DNAJC13: variants seen among roughly 807,000 people sequenced by gnomAD.
DNAJC13 encodes the protein dnaJ homolog subfamily C member 13.
DNAJC13 carries 75 observed loss-of-function variants against 290.5 expected under a neutral mutation model. The observed-to-expected ratio is 0.26, with a 90% CI of 0.21 to 0.31. The LOEUF (loss-of-function observed/expected upper bound fraction) is 0.31. Among genes scored for constraint, DNAJC13 ranks in the 10% least tolerant of loss-of-function variants. The probability of loss-of-function intolerance (pLI) is 1.00; values close to 1 mark genes in which losing one functional copy is unlikely to be tolerated. For missense variants in DNAJC13, 2,260 were observed against 2,674.5 expected (o/e 0.85, Z 3.42); for synonymous variants, 862 against 892.0 (o/e 0.97, Z 0.60).
intron 34 of DNAJC13, among the ~76,000 whole-genome samples, chr3:132,494,535 A>G (rs1414929630): frequency 6.6e-6 from 1 of 152,186 alleles, no homozygotes; most frequent in Non-Finnish European, 1.5e-5. Flanking sequence ...GACACATGGT[A>G]GCCATTCACA....
At chr3:132,534,253 G>A (rs931002126) in intron 55 of DNAJC13, among the ~76,000 whole-genome samples, 2 of 152,276 alleles carry the variant, frequency 1.3e-5, no homozygotes, top group South Asian at 2.1e-4. Flanking sequence ...TGTAAGCATT[G>A]TTGACCCCAG....
intron 32 of DNAJC13, 115 bp from the exon 33 acceptor site, chr3:132,492,299 A>T: frequency 8.9e-7 from 1 of 1,120,566 alleles, no homozygotes; most frequent in Non-Finnish European, 1.3e-6. Flanking sequence ...TTTTAGGATA[A>T]TCATTGAGTT....
At chr3:132,486,770 C>T (rs778494333) in intron 29 of DNAJC13, among the ~76,000 whole-genome samples, 5 of 152,114 alleles carry the variant, frequency 3.3e-5, no homozygotes, top group Non-Finnish European at 7.3e-5. Flanking sequence ...ACTTTAAGAG[C>T]AGTCATCATT....
At chr3:132,476,381 T>C (rs1255287487) in intron 22 of DNAJC13, among the ~76,000 whole-genome samples, 5 of 152,216 alleles carry the variant, frequency 3.3e-5, no homozygotes, top group Non-Finnish European at 1.5e-5. Flanking sequence ...TATCAAGTTT[T>C]TTAGCAAATT....
At chr3:132,465,408 A>C (rs1933945989) in intron 17 of DNAJC13, among the ~76,000 whole-genome samples, 1 of 152,166 alleles carries the variant, frequency 6.6e-6, no homozygotes, top group Admixed American at 6.5e-5. Context: ...TTAGTAAATG[A>C]CTAAACCATA....
rs1325287897 is a variant in DNAJC13, at chr3:132,453,459, A to T, written c.699A>T (p.Thr233=). 11 of 1,613,982 alleles carry T rather than the reference A, an allele frequency of 6.8e-6. No individual in the cohort carries two copies. In the East Asian group the frequency reaches 2.5e-4, roughly 36 times the overall value. Residue 233 remains threonine (T), a synonymous_variant, in exon 7 of 56, where the codon ACA becomes ACT. Coordinates refer to ENST00000260818, the MANE Select transcript of DNAJC13 (RefSeq NM_015268.4). ...FGKYSTDESI[T]SLAEFVVQKI... ...AATACAGCACTGATGAATCCATCAC[A>T]TCTTTAGCAGAGTTTGTAGTCCAAA...
At chr3:132,463,483 GT>G (rs1933874717) in intron 16 of DNAJC13, among the ~76,000 whole-genome samples, 1 of 152,098 alleles carries the variant, frequency 6.6e-6, no homozygotes, top group African/African-American at 2.4e-5. Context: ...AGGTAAATTT[GT>G]CTGGAAACAT....
chr3:132,424,725 G>A (rs1358000115), intron 1 of DNAJC13, among the ~76,000 whole-genome samples: 1 of 151,996 alleles, frequency 6.6e-6, no homozygotes, highest in East Asian at 1.9e-4. Flanking sequence ...ATTCTTCAAC[G>A]ACATCTATCT....
intron 54 of DNAJC13, among the ~76,000 whole-genome samples, chr3:132,529,637 A>T (rs1936355962): frequency 6.6e-6 from 1 of 152,128 alleles, no homozygotes. Flanking sequence ...AATACAAAAA[A>T]TTAGCCAGGC....
chr3:132,536,524 A>G lies in DNAJC13; in HGVS notation c.6626-1652A>G, dbSNP rs530674267. Among the ~76,000 whole-genome samples, 9 of 152,336 alleles carry G rather than the reference A, an allele frequency of 5.9e-5. No homozygotes were observed. The South Asian group carries it at 1.9e-3, about 32-fold the overall frequency. On this transcript the variant is annotated intron_variant, in intron 55 of 55. Transcript: ENST00000260818. ...TGCAGCATTCATGGTTTGGTCTTGT[A>G]ACCTACTATTTTGATGGGAACCAAG...
chr3:132,427,469 A>C (rs1042062086), intron 1 of DNAJC13, among the ~76,000 whole-genome samples: 2 of 152,156 alleles, frequency 1.3e-5, no homozygotes, highest in South Asian at 4.1e-4. Flanking sequence ...GTTTTATGGG[A>C]AACATAAATT....
intron 22 of DNAJC13, among the ~76,000 whole-genome samples, chr3:132,475,988 C>CA (rs1294502928): frequency 3.3e-5 from 5 of 152,112 alleles, no homozygotes; most frequent in Non-Finnish European, 1.5e-5. Flanking sequence ...GGCTAGACTG[C>CA]AGTGGTGCCA....
At chr3:132,515,341 A>G (rs953555084) in intron 46 of DNAJC13, among the ~76,000 whole-genome samples, 1 of 151,968 alleles carries the variant, frequency 6.6e-6, no homozygotes, top group African/African-American at 2.4e-5. Flanking sequence ...ATGTCTGTCC[A>G]CCTCCTTAAG....
intron 1 of DNAJC13, among the ~76,000 whole-genome samples, chr3:132,418,419 G>C (rs1261134552): frequency 1.3e-5 from 2 of 152,140 alleles, no homozygotes; most frequent in Non-Finnish European, 2.9e-5. Context: ...TTAATCACTT[G>C]ATACTTAACT....
At chr3:132,492,359 C>T in intron 32 of DNAJC13, 55 bp from the exon 33 acceptor site, 1 of 1,558,676 alleles carries the variant, frequency 6.4e-7, no homozygotes, top group Non-Finnish European at 8.8e-7. Context: ...GTATCTCAAC[C>T]TTCTCTTTAA....
chr3:132,480,423 C>G lies in DNAJC13; in HGVS notation c.2827C>G (p.Leu943Val). The change falls in exon 26 of 56, where the codon CTT becomes GTT. Residue 943 changes from leucine to valine, a missense_variant. Leu to Val is a conservative substitution (Grantham distance 32, BLOSUM62 1). Around this residue, in one of 3 missense-constraint regions of DNAJC13, gnomAD observed 1,494 missense variants for 1,693.7 expected, o/e 0.88. Coordinates refer to ENST00000260818, the MANE Select transcript of DNAJC13 (RefSeq NM_015268.4). ...SNGIRILVDLLTLAHLHVSRA... is the reference protein window; with the variant it reads ...SNGIRILVDLVTLAHLHVSRA... ...TGGAATAAGAATCCTTGTGGACTTG[C>G]TTACCCTTGCACATCTCCATGTAAG... is the stretch of plus-strand genomic sequence containing the variant. 1 of 1,613,574 alleles carries G rather than the reference C, an allele frequency of 6.2e-7. No individual in the cohort carries two copies. Among genetic ancestry groups the G allele is most frequent in the Admixed American group, 1.7e-5 (1 of 60,002 alleles).
At chr3:132,454,314 A>ATTTTTTT (rs71622093) in intron 9 of DNAJC13, among the ~76,000 whole-genome samples, 157 bp downstream of exon 9, 25 of 86,138 alleles carry the variant, frequency 2.9e-4, no homozygotes, top group South Asian at 4.5e-4. Flanking sequence ...CCCATTTTCA[A>ATTTTTTT]TTTTTTTTTT....
At chr3:132,418,138 G>A (rs762247818) in intron 1 of DNAJC13, among the ~76,000 whole-genome samples, 4 of 152,174 alleles carry the variant, frequency 2.6e-5, no homozygotes, top group Non-Finnish European at 5.9e-5. Context: ...CCTGCTGGAT[G>A]CCGGCAACTC....
rs770942699 is a variant in DNAJC13 at position 132,523,618 on chromosome 3, A to G, written c.5965A>G (p.Ile1989Val). Residue 1989 changes from isoleucine (I) to valine (V), a missense_variant, in exon 51 of 56, where the codon ATT becomes GTT. Coordinates refer to ENST00000260818, the MANE Select transcript of DNAJC13 (RefSeq NM_015268.4). ...AVGGVFLRIF[I>V]AQPAWVLRKP... is the part of the protein sequence containing the mutation. ...TGGAGGAGTCTTCTTGAGGATCTTT[A>G]TTGCACAACCAGCCTGGGTTCTAAG... The G allele has an allele frequency of 1.9e-6, 3 of 1,614,118 alleles. No homozygotes were observed. The highest frequency in any genetic ancestry group is 2.2e-5 in the South Asian group (2 of 91,080).
Sources: gnomAD v4.1 joint callset for allele counts (sites outside exome capture counted in the v4.1 genomes callset) on GRCh38, gnomAD v4.1.1 for gene constraint, gnomAD v4.1.1 regional missense constraint, MANE v1.5 for transcripts, NCBI Gene and HGNC (gene_info 2026-07-23, HGNC 2026-07-21) for gene names.